Variants in DLGAP2 observed in about 807,000 individuals in gnomAD.
The protein encoded by DLGAP2 is disks large-associated protein 2.
DLGAP2 carries 26 observed loss-of-function variants against 100.3 expected under a neutral mutation model. The observed-to-expected ratio is 0.26, with a 90% confidence interval of 0.19 to 0.36. DLGAP2 has a LOEUF of 0.36. DLGAP2 is among the 10% of genes least tolerant of loss of function. The pLI, the probability that DLGAP2 is intolerant of heterozygous loss-of-function variation, is 1.00. For missense variants in DLGAP2, 1,858 were observed against 1,453.2 expected (o/e 1.28, Z -4.53); for synonymous variants, 886 against 630.1 (o/e 1.41, Z -6.08).
At chr8:1,382,122 A>G (rs148275084) in intron 3 of DLGAP2, among the ~76,000 whole-genome samples, 1 of 152,350 alleles carries the variant, frequency 6.6e-6, no homozygotes, top group East Asian at 1.9e-4. Flanking sequence ...CCTGTTAACC[A>G]GAAGCCTAAG....
At chr8:1,184,845 T>C (rs1484315602) in intron 2 of DLGAP2, among the ~76,000 whole-genome samples, 3 of 152,168 alleles carry the variant, frequency 2.0e-5, no homozygotes, top group African/African-American at 7.2e-5. Context: ...CTTGGCCTTA[T>C]AATCTCCATG....
intron 2 of DLGAP2, among the ~76,000 whole-genome samples, chr8:1,116,311 G>A (rs1254677737): frequency 6.6e-6 from 1 of 152,208 alleles, no homozygotes; most frequent in African/African-American, 2.4e-5. Context: ...CACCAGCTGT[G>A]TCTCAGCCAC....
At chr8:895,438 G>A (rs1798126109) in intron 1 of DLGAP2, among the ~76,000 whole-genome samples, 1 of 152,178 alleles carries the variant, frequency 6.6e-6, no homozygotes, top group Admixed American at 6.5e-5. Flanking sequence ...GGAGCAGGGG[G>A]CTGTCGGTCT....
At chr8:1,146,986 C>A (rs1796620258) in intron 2 of DLGAP2, among the ~76,000 whole-genome samples, 1 of 152,130 alleles carries the variant, frequency 6.6e-6, no homozygotes, top group Admixed American at 6.5e-5. Context: ...CCCTGCATTT[C>A]CAGATGAATT....
At chr8:1,671,816 C>T (rs570834864) in intron 10 of DLGAP2, among the ~76,000 whole-genome samples, 34 of 152,216 alleles carry the variant, frequency 2.2e-4, no homozygotes, top group Non-Finnish European at 3.8e-4. Context: ...GGTCTCATCA[C>T]AGCTCCAGAT....
chr8:863,338 C>T (rs1797428304), intron 1 of DLGAP2, among the ~76,000 whole-genome samples: 1 of 152,186 alleles, frequency 6.6e-6, no homozygotes, highest in Non-Finnish European at 1.5e-5. Context: ...TGCTAGATTG[C>T]ATCACACAAC....
intron 8 of DLGAP2, among the ~76,000 whole-genome samples, chr8:1,652,054 GT>G (rs943512173): frequency 6.6e-6 from 1 of 152,112 alleles, no homozygotes; most frequent in African/African-American, 2.4e-5. Flanking sequence ...AATTAAGTTG[GT>G]TTTTTTCTGG....
At chr8:1,327,539 T>C (rs1801049449) in intron 3 of DLGAP2, among the ~76,000 whole-genome samples, 1 of 152,164 alleles carries the variant, frequency 6.6e-6, no homozygotes, top group African/African-American at 2.4e-5. Flanking sequence ...TTTAAATCTC[T>C]TGCAAGTGTA....
rs189954777 is a variant in DLGAP2 at position 1,308,497 on chromosome 8, C to T, written c.106+49614C>T. On this transcript the variant is annotated intron_variant, in intron 3 of 14. Transcript: ENST00000637795. Reference sequence around the variant, plus strand: ...CATATAAAAAACAGGAAAGTATGGTCCATTCAGGACAACAAAAGAAATCTT... The same window carrying T: ...CATATAAAAAACAGGAAAGTATGGTTCATTCAGGACAACAAAAGAAATCTT... Among the ~76,000 whole-genome samples, 3 of 152,252 alleles carry T rather than the reference C, an allele frequency of 2.0e-5. No individual in the cohort carries two copies. In the East Asian group the frequency reaches 5.8e-4, roughly 29 times the overall value.
intron 13 of DLGAP2, 104 bp from the exon 14 acceptor site, chr8:1,697,043 C>T (rs2130885883): frequency 8.0e-7 from 1 of 1,253,558 alleles, no homozygotes; most frequent in Non-Finnish European, 1.0e-6. Context: ...CCAGGCTTCT[C>T]CCTAATCCGC....
chr8:1,376,790 C>T (rs1040697495), intron 3 of DLGAP2, among the ~76,000 whole-genome samples: 3 of 151,516 alleles, frequency 2.0e-5, no homozygotes, highest in South Asian at 2.1e-4. Context: ...AACCTGAGCC[C>T]GGTGGGATGT....
chr8:931,598 T>C (rs1798960163), intron 2 of DLGAP2, among the ~76,000 whole-genome samples: 1 of 152,180 alleles, frequency 6.6e-6, no homozygotes, highest in Admixed American at 6.5e-5. Context: ...GGAAGCTTGG[T>C]TCCTTACTTC....
intron 3 of DLGAP2, among the ~76,000 whole-genome samples, chr8:1,356,923 C>T (rs1801866731): frequency 6.6e-6 from 1 of 152,204 alleles, no homozygotes. Context: ...CCCGTGTCTA[C>T]AGCGCACGTT....
At chr8:840,017 TG>T (rs1796952744) in intron 1 of DLGAP2, among the ~76,000 whole-genome samples, 1 of 143,518 alleles carries the variant, frequency 7.0e-6, no homozygotes, top group Non-Finnish European at 1.5e-5. Flanking sequence ...CCCCACACTC[TG>T]GATTCTGCGA....
chr8:993,886 G>A (rs1052141410), intron 2 of DLGAP2, among the ~76,000 whole-genome samples: 15 of 141,832 alleles, frequency 1.1e-4, no homozygotes, highest in South Asian at 2.2e-4. Flanking sequence ...TAGCTGTGTC[G>A]TTTCAGCTAC....
intron 2 of DLGAP2, among the ~76,000 whole-genome samples, chr8:1,199,497 G>A (rs911108850): frequency 1.3e-5 from 2 of 152,216 alleles, no homozygotes; most frequent in Non-Finnish European, 2.9e-5. Context: ...GCAGTCCAGT[G>A]AAGGCTGCCT....
intron 5 of DLGAP2, among the ~76,000 whole-genome samples, chr8:1,559,883 C>T (rs936407874): frequency 2.6e-5 from 4 of 152,204 alleles, no homozygotes; most frequent in African/African-American, 9.6e-5. Flanking sequence ...TGGTCCAGCT[C>T]AGACAAAAGT....
intron 2 of DLGAP2, among the ~76,000 whole-genome samples, chr8:1,200,139 A>G (rs1236668734): frequency 6.6e-6 from 1 of 152,016 alleles, no homozygotes; most frequent in Non-Finnish European, 1.5e-5. Flanking sequence ...ATCCCTGCAC[A>G]GGCCCACAGG....
At chr8:1,489,596 A>G (rs951040131) in intron 3 of DLGAP2, among the ~76,000 whole-genome samples, 1 of 152,232 alleles carries the variant, frequency 6.6e-6, no homozygotes, top group Non-Finnish European at 1.5e-5. Flanking sequence ...ATACTTAGGC[A>G]TACAGGTTGG....
Sources: gnomAD v4.1 joint callset for allele counts (sites outside exome capture counted in the v4.1 genomes callset) on GRCh38, gnomAD v4.1.1 for gene constraint, MANE v1.5 for transcripts, NCBI Gene and HGNC (gene_info 2026-07-23, HGNC 2026-07-21) for gene names.